The following ZPLD1 variants were observed in gnomAD, a reference collection of about 807,000 sequenced individuals.
The protein encoded by ZPLD1 is zona pellucida-like domain-containing protein 1.
A neutral mutation model predicts 47.2 loss-of-function variants in ZPLD1; 34 were observed. That is an observed-to-expected ratio of 0.72 (90% CI 0.55 to 0.96). The LOEUF is 0.96. Ranked by LOEUF, ZPLD1 falls within the 40% of genes least tolerant of loss-of-function variation. The pLI is 0.00. For missense variants in ZPLD1, 512 were observed against 505.8 expected (o/e 1.01, Z -0.12); for synonymous variants, 176 against 186.2 (o/e 0.95, Z 0.45).
At chr3:102,439,851 T>G (rs1043737949) in intron 3 of ZPLD1, among the ~76,000 whole-genome samples, 1 of 152,258 alleles carries the variant, frequency 6.6e-6, no homozygotes, top group African/African-American at 2.4e-5. Flanking sequence ...GCAGCCAAGT[T>G]GCTTCTAAAA....
chr3:102,433,488 A>G (rs552406326), upstream of ZPLD1, among the ~76,000 whole-genome samples: 1 of 152,220 alleles, frequency 6.6e-6, no homozygotes, highest in South Asian at 2.1e-4. Flanking sequence ...CTTAAAACTT[A>G]TAAGTATTAC....
chr3:102,400,320 T>C (rs1706605174), intron 7 of ZPLD1, among the ~76,000 whole-genome samples: 1 of 152,102 alleles, frequency 6.6e-6, no homozygotes, highest in Non-Finnish European at 1.5e-5. Flanking sequence ...GGAAATTTTA[T>C]GTTGAACACA....
intron 8 of ZPLD1, among the ~76,000 whole-genome samples, chr3:102,466,384 T>C (rs1487186951): frequency 6.6e-6 from 1 of 152,164 alleles, no homozygotes; most frequent in Non-Finnish European, 1.5e-5. Context: ...GATAAACAGA[T>C]GCAGGTATTT....
intron 7 of ZPLD1, among the ~76,000 whole-genome samples, chr3:102,405,372 G>A (rs1236599438): frequency 6.6e-6 from 1 of 151,808 alleles, no homozygotes; most frequent in African/African-American, 2.4e-5. Flanking sequence ...AATTTTTATT[G>A]TTCCAAATCT....
At chr3:102,451,014 TATTGCGTCGA>T (rs1261406868) in intron 3 of ZPLD1, among the ~76,000 whole-genome samples, 3 of 152,180 alleles carry the variant, frequency 2.0e-5, no homozygotes, top group Non-Finnish European at 4.4e-5. Context: ...ACAAAGGAAA[TATTGCGTCGA>T]ATTTCCTATA....
chr3:102,458,942 T>C (rs1309978236), intron 6 of ZPLD1, among the ~76,000 whole-genome samples: 1 of 151,490 alleles, frequency 6.6e-6, no homozygotes, highest in Non-Finnish European at 1.5e-5. Context: ...TACAAAAAAT[T>C]AGCCGGGCGT....
At chr3:102,452,336 A>G (rs1707351117) in intron 3 of ZPLD1, among the ~76,000 whole-genome samples, 1 of 150,964 alleles carries the variant, frequency 6.6e-6, no homozygotes, top group Non-Finnish European at 1.5e-5. Flanking sequence ...TGTTCATAAT[A>G]TCAACACTAT....
At chr3:102,448,695 A>G (rs1034163409) in intron 3 of ZPLD1, among the ~76,000 whole-genome samples, 2 of 152,220 alleles carry the variant, frequency 1.3e-5, no homozygotes, top group African/African-American at 4.8e-5. Flanking sequence ...GGAGTTACAA[A>G]TTGGTTATAG....
In ZPLD1 at chr3:102,398,962, G is replaced by A. The variant is rs548261600; in HGVS notation, c.-157+6737G>A. Among the ~76,000 whole-genome samples the A allele has an allele frequency of 4.5e-4, 69 of 152,064 alleles. 1 individual carries two copies. Among genetic ancestry groups the A allele is most frequent in the African/African-American group, 1.6e-3 (66 of 41,482 alleles). ...TTCATGCCCCACTTGTTTTCCAAAAGGATACAAGATGGAACAATAAAATTC... is the reference window on the plus strand; with the variant it reads ...TTCATGCCCCACTTGTTTTCCAAAAAGATACAAGATGGAACAATAAAATTC... On this transcript the variant is annotated intron_variant, in intron 7 of 17. Coordinates refer to the ZPLD1 transcript ENST00000491959.
At chr3:102,406,927 G>T (rs1408749571) in intron 7 of ZPLD1, among the ~76,000 whole-genome samples, 1 of 151,812 alleles carries the variant, frequency 6.6e-6, no homozygotes, top group African/African-American at 2.4e-5. Context: ...GTTATCAGAA[G>T]TAAGAGCTCA....
chr3:102,421,290 A>T (rs1185095410), intron 8 of ZPLD1, among the ~76,000 whole-genome samples: 3 of 151,924 alleles, frequency 2.0e-5, no homozygotes, highest in Non-Finnish European at 2.9e-5. Flanking sequence ...TTGTACTTTG[A>T]AATTAAATCA....
rs528318935 is a variant in ZPLD1 at position 102,447,819 on chromosome 3, G to A, written c.107-5100G>A. Among the ~76,000 whole-genome samples the A allele has an allele frequency of 3.9e-5, 6 of 152,300 alleles. No individual in the cohort carries two copies. The South Asian group carries it at 1.0e-3, about 26-fold the overall frequency. ...GCAAATATATTTTCAGTAATTGTATGTAAAGGAAAAGGTGTAATTAAATGT... is the reference window on the plus strand; with the variant it reads ...GCAAATATATTTTCAGTAATTGTATATAAAGGAAAAGGTGTAATTAAATGT... On this transcript the variant is annotated intron_variant, in intron 3 of 11. Transcript: ENST00000466937.
At chr3:102,467,518 A>T (rs541591456) in intron 8 of ZPLD1, among the ~76,000 whole-genome samples, 1 of 152,102 alleles carries the variant, frequency 6.6e-6, no homozygotes, top group Non-Finnish European at 1.5e-5. Context: ...TGAGAAATAG[A>T]TCCCCAAACA....
chr3:102,400,839 G>A (rs576247223), intron 7 of ZPLD1, among the ~76,000 whole-genome samples: 7 of 152,004 alleles, frequency 4.6e-5, no homozygotes, highest in Middle Eastern at 3.4e-3. Context: ...ATTACTGCCC[G>A]TAGCAATGGA....
intron 7 of ZPLD1, among the ~76,000 whole-genome samples, chr3:102,403,778 A>G (rs973946215): frequency 3.9e-5 from 6 of 151,920 alleles, no homozygotes; most frequent in African/African-American, 1.2e-4. Flanking sequence ...GGCATATTGG[A>G]GGATGTGAGT....
intron 8 of ZPLD1, 40 bp downstream of exon 8, chr3:102,464,291 AC>A (rs1383604788): frequency 1.5e-6 from 2 of 1,343,830 alleles, no homozygotes; most frequent in Non-Finnish European, 2.1e-6. Flanking sequence ...GATACCAATG[AC>A]CCAGTTGTAG....
At position 102,391,342 on chromosome 3, in the gene ZPLD1, C is replaced by G. The variant is rs181191955; in HGVS notation, c.-212-828C>G. 5.6e-4 allele frequency among the ~76,000 whole-genome samples: 86 copies of G among 152,228 alleles called. 1 individual carries two copies. The highest frequency in any genetic ancestry group is 1.0e-3 in the Non-Finnish European group (70 of 68,008). ...TTTGGGTGGCAGATTGTATATCCTC[C>G]AAATTGCCACAACAATGTCTCCCAT... On this transcript the variant is annotated intron_variant, in intron 6 of 17. Coordinates refer to the ZPLD1 transcript ENST00000491959.
chr3:102,434,913 A>G (rs75731386), upstream of ZPLD1: 220 of 544,882 alleles, frequency 4.0e-4, 1 homozygote, highest in South Asian at 5.0e-3. Flanking sequence ...ACTCCACTAA[A>G]CCTTTATAAC....
intron 3 of ZPLD1, among the ~76,000 whole-genome samples, chr3:102,438,985 A>G (rs2107321152): frequency 6.6e-6 from 1 of 152,318 alleles, no homozygotes; most frequent in Non-Finnish European, 1.5e-5. Context: ...ATTGTACAAT[A>G]CAAAAAAATG....
Sources: gnomAD v4.1 joint callset for allele counts (sites outside exome capture counted in the v4.1 genomes callset) on GRCh38, gnomAD v4.1.1 for gene constraint, MANE v1.5 for transcripts, NCBI Gene and HGNC (gene_info 2026-07-23, HGNC 2026-07-21) for gene names.